The following EYS variants were observed in gnomAD, a reference collection of about 807,000 sequenced individuals.
EYS encodes the protein protein eyes shut homolog.
EYS carries 250 observed loss-of-function variants against 282.1 expected under a neutral mutation model. That is an observed-to-expected ratio of 0.89 (90% CI 0.80 to 0.98). EYS has a LOEUF of 0.98. Among genes scored for constraint, EYS ranks in the 50% least tolerant of loss-of-function variants. The probability of loss-of-function intolerance (pLI) is 0.00; values close to 1 mark genes in which losing one functional copy is unlikely to be tolerated. For missense variants in EYS, 4,016 were observed against 3,709.0 expected, an observed-to-expected ratio of 1.08 and a Z score of -2.15; for synonymous variants, 1,355 against 1,282.9, an observed-to-expected ratio of 1.06 and a Z score of -1.20.
chr6:63,953,253 G>A (rs1765676361), intron 35 of EYS, among the ~76,000 whole-genome samples: 1 of 152,158 alleles, frequency 6.6e-6, no homozygotes, highest in Non-Finnish European at 1.5e-5. Context: ...AGGCTTCAGG[G>A]ACAGTCCTCA....
At chr6:64,136,502 T>C (rs1319297312) in intron 31 of EYS, among the ~76,000 whole-genome samples, 1 of 152,156 alleles carries the variant, frequency 6.6e-6, no homozygotes, top group African/African-American at 2.4e-5. Flanking sequence ...ATGGCAGCTA[T>C]AACCTTACAA....
chr6:64,460,518 A>C (rs117613737), intron 26 of EYS, among the ~76,000 whole-genome samples: 1,588 of 152,364 alleles, frequency 0.01, 18 homozygotes, highest in African/African-American at 0.029. Flanking sequence ...AGCAATGTTT[A>C]GAGAGTCACA....
rs1554194865 is a variant in EYS at position 64,703,429 on chromosome 6, A to ATTTTTTT, written c.3444-77191_3444-77185dup. Among the ~76,000 whole-genome samples, 31 of 23,350 alleles carry ATTTTTTT rather than the reference A, an allele frequency of 1.3e-3. 1 individual carries two copies. Among genetic ancestry groups the ATTTTTTT allele is most frequent in the South Asian group, 2.6e-3 (1 of 388 alleles). The allele number at this position is 23,350 out of a possible 152,430, so 15.3% of individuals were successfully genotyped here. Reference sequence around the variant, plus strand: ...CACACACATATATATATATATATATATTTTTTTTTTTTTTTTTTGAGATGG... The same window carrying ATTTTTTT: ...CACACACATATATATATATATATATATTTTTTTTTTTTTTTTTTTTTTTTTGAGATGG... On this transcript the variant is annotated intron_variant, in intron 22 of 42. Transcript: ENST00000503581.
chr6:64,224,213 T>C (rs1210170538), intron 31 of EYS, among the ~76,000 whole-genome samples: 3 of 152,104 alleles, frequency 2.0e-5, no homozygotes, highest in African/African-American at 7.2e-5. Flanking sequence ...AGATCTTCTA[T>C]GCTTCCAAAT....
intron 26 of EYS, among the ~76,000 whole-genome samples, chr6:64,521,109 T>C (rs749602990): frequency 1.6e-4 from 24 of 151,862 alleles, no homozygotes; most frequent in Non-Finnish European, 2.5e-4. Context: ...ACATTTGCCT[T>C]ATCTGAACAT....
intron 31 of EYS, among the ~76,000 whole-genome samples, chr6:64,122,180 T>C (rs1474310795): frequency 6.6e-6 from 1 of 152,154 alleles, no homozygotes; most frequent in East Asian, 1.9e-4. Context: ...TAGGATCTAA[T>C]AGTGAAAAAT....
intron 33 of EYS, among the ~76,000 whole-genome samples, chr6:64,046,063 A>G (rs1033442917): frequency 6.8e-6 from 1 of 147,848 alleles, no homozygotes; most frequent in African/African-American, 2.5e-5. Context: ...TATGTATTAT[A>G]TTTTATATAT....
At chr6:65,170,233 C>T (rs1765073477) in intron 12 of EYS, among the ~76,000 whole-genome samples, 1 of 151,224 alleles carries the variant, frequency 6.6e-6, no homozygotes, top group Non-Finnish European at 1.5e-5. Flanking sequence ...TGCACGCACA[C>T]ACACACACAC....
At chr6:63,759,148 CT>C (rs1312536364) in intron 41 of EYS, among the ~76,000 whole-genome samples, 2 of 152,094 alleles carry the variant, frequency 1.3e-5, no homozygotes, top group African/African-American at 4.8e-5. Context: ...AGATATGTCT[CT>C]TAAAGTTCTT....
intron 35 of EYS, among the ~76,000 whole-genome samples, chr6:63,948,869 T>C (rs1453462383): frequency 6.6e-6 from 1 of 152,112 alleles, no homozygotes; most frequent in Non-Finnish European, 1.5e-5. Flanking sequence ...GTAATACATA[T>C]AATATGTGCT....
At chr6:64,106,739 G>A (rs1468576321) in intron 31 of EYS, among the ~76,000 whole-genome samples, 1 of 151,912 alleles carries the variant, frequency 6.6e-6, no homozygotes, top group Non-Finnish European at 1.5e-5. Flanking sequence ...AGGAAACTCA[G>A]CCATTATTGC....
intron 35 of EYS, among the ~76,000 whole-genome samples, chr6:63,902,926 A>G (rs1773691750): frequency 6.6e-6 from 1 of 152,200 alleles, no homozygotes; most frequent in African/African-American, 2.4e-5. Flanking sequence ...GTAATTGGCT[A>G]AGCATGAAGT....
intron 11 of EYS, among the ~76,000 whole-genome samples, chr6:65,320,958 C>A (rs899873576): frequency 6.6e-6 from 1 of 152,200 alleles, no homozygotes; most frequent in East Asian, 1.9e-4. Flanking sequence ...TGCATCACAA[C>A]CTGACTTCTC....
At chr6:63,989,048 T>A (rs1193290917) in intron 34 of EYS, among the ~76,000 whole-genome samples, 1 of 151,636 alleles carries the variant, frequency 6.6e-6, no homozygotes, top group East Asian at 1.9e-4. Flanking sequence ...CCTGATTTAA[T>A]GTTTACTTTT....
rs35045551 is a variant in EYS, at chr6:65,295,847, GA to G, written c.2023+15del. The G allele has an allele frequency of 0.072, 100,780 of 1,397,374 alleles. 3,599 individuals carry two copies. Among genetic ancestry groups the G allele is most frequent in the Middle Eastern group, 0.13 (712 of 5,564 alleles). 86.6% of individuals were successfully genotyped at this position (1,397,374 alleles called of 1,614,324 possible). A position where few individuals can be genotyped will look rare whatever the true frequency, so the allele number is the denominator to read the frequency against. ...TTTACTAGAAAATTTAATTTATCAG[GA>G]AAAAAAAAACTTGCCTTTAAATCCT... On this transcript the variant is annotated intron_variant, in intron 12 of 42. Transcript: ENST00000503581.
intron 15 of EYS, among the ~76,000 whole-genome samples, chr6:64,940,884 T>A (rs941933414): frequency 2.6e-5 from 4 of 152,090 alleles, no homozygotes; most frequent in Non-Finnish European, 5.9e-5. Flanking sequence ...TCAACCTTAA[T>A]CACAAGGCAA....
intron 30 of EYS, among the ~76,000 whole-genome samples, chr6:64,305,368 A>T (rs1769401164): frequency 6.6e-6 from 1 of 151,166 alleles, no homozygotes; most frequent in Non-Finnish European, 1.5e-5. Context: ...TTTTTTTCAG[A>T]AATAAAAAAA....
chr6:65,095,095 T>A (rs1774700722), intron 12 of EYS, among the ~76,000 whole-genome samples: 1 of 151,220 alleles, frequency 6.6e-6, no homozygotes, highest in African/African-American at 2.4e-5. Flanking sequence ...AAAAGAAATG[T>A]ATAAATTCCT....
At chr6:63,830,972 C>A (rs1562047991) in intron 36 of EYS, among the ~76,000 whole-genome samples, 1 of 152,168 alleles carries the variant, frequency 6.6e-6, no homozygotes, top group Non-Finnish European at 1.5e-5. Context: ...AACTAAGCTT[C>A]ATAAGTGAAG....
Sources: allele counts gnomAD v4.1 joint callset (sites outside exome capture counted in the v4.1 genomes callset), GRCh38; gene constraint gnomAD v4.1.1; transcripts MANE v1.5; gene names NCBI Gene and HGNC (gene_info 2026-07-23, HGNC 2026-07-21).